Variants in ZDHHC2 observed in about 807,000 individuals in gnomAD.
ZDHHC2 encodes zDHHC palmitoyltransferase 2, also known as palmitoyltransferase ZDHHC2.
Under a neutral mutation model 55.6 loss-of-function variants are expected in ZDHHC2, and 51 were observed. The ratio of observed to expected loss-of-function variants is 0.92; its 90% CI spans 0.73 to 1.16. ZDHHC2 has a LOEUF of 1.16. Ranked by LOEUF, ZDHHC2 falls within the 50% of genes most tolerant of loss-of-function variation. The probability of loss-of-function intolerance (pLI) is 0.00; values close to 1 mark genes in which losing one functional copy is unlikely to be tolerated. For synonymous variants in ZDHHC2, 199 were observed against 152.9 expected (o/e 1.30, Z -2.22); for missense variants, 491 against 442.4 (o/e 1.11, Z -0.99).
intron 3 of ZDHHC2, among the ~76,000 whole-genome samples, chr8:17,189,399 C>T (rs1805905629): frequency 6.6e-6 from 1 of 152,142 alleles, no homozygotes; most frequent in Non-Finnish European, 1.5e-5. Flanking sequence ...TTTGAAAATA[C>T]ACCATCGTTA....
At chr8:17,176,724 T>A (rs1050607121) in intron 1 of ZDHHC2, among the ~76,000 whole-genome samples, 3 of 151,830 alleles carry the variant, frequency 2.0e-5, no homozygotes, top group Non-Finnish European at 1.5e-5. Context: ...AGAAGCATCA[T>A]GCACAAGAGG....
At chr8:17,219,411 C>G (rs1414542386) in intron 12 of ZDHHC2, among the ~76,000 whole-genome samples, 2 of 151,708 alleles carry the variant, frequency 1.3e-5, no homozygotes, top group African/African-American at 4.8e-5. Flanking sequence ...ATAGTTAGTA[C>G]TAAAAAGTAA....
At chr8:17,197,932 T>G (rs1293909575) in intron 5 of ZDHHC2, among the ~76,000 whole-genome samples, 1 of 152,200 alleles carries the variant, frequency 6.6e-6, no homozygotes, top group African/African-American at 2.4e-5. Flanking sequence ...CTATGAGTGT[T>G]TTCCATTTTT....
chr8:17,164,766 TG>T (rs1256872543), intron 1 of ZDHHC2, among the ~76,000 whole-genome samples: 1 of 152,228 alleles, frequency 6.6e-6, no homozygotes, highest in Non-Finnish European at 1.5e-5. Flanking sequence ...CAGTGAAATT[TG>T]GGAAACCAGA....
intron 9 of ZDHHC2, 113 bp from the exon 10 acceptor site, chr8:17,210,275 A>T: frequency 1.7e-6 from 2 of 1,158,186 alleles, no homozygotes. Context: ...TCTAATACAC[A>T]TTTTTTTTGC....
At chr8:17,214,429 T>C (rs1807543183) in intron 10 of ZDHHC2, among the ~76,000 whole-genome samples, 1 of 152,222 alleles carries the variant, frequency 6.6e-6, no homozygotes, top group South Asian at 2.1e-4. Flanking sequence ...CTTTAGAAGC[T>C]GTAGGCCATT....
At chr8:17,170,446 T>G (rs1444038810) in intron 1 of ZDHHC2, among the ~76,000 whole-genome samples, 2 of 152,246 alleles carry the variant, frequency 1.3e-5, no homozygotes, top group Non-Finnish European at 2.9e-5. Flanking sequence ...TATAGTTTCT[T>G]TCTCTGGAGA....
intron 1 of ZDHHC2, among the ~76,000 whole-genome samples, chr8:17,176,223 G>T (rs188081370): frequency 6.6e-6 from 1 of 152,094 alleles, no homozygotes; most frequent in East Asian, 1.9e-4. Context: ...GCCTTGCCCC[G>T]TGTTTGTGGT....
intron 8 of ZDHHC2, 51 bp from the exon 9 acceptor site, chr8:17,209,881 G>C (rs771980327): frequency 7.9e-5 from 121 of 1,526,602 alleles, no homozygotes; most frequent in Non-Finnish European, 1.0e-4. Context: ...ATTCAGGATT[G>C]CTAGTAAATA....
chr8:17,178,591 A>T (rs117702704), intron 1 of ZDHHC2, among the ~76,000 whole-genome samples: 3,332 of 152,334 alleles, frequency 0.022, 62 homozygotes, highest in Middle Eastern at 0.044. Flanking sequence ...GGATGCATAC[A>T]TGTTTCAATA....
At chr8:17,164,596 TAA>T (rs1232206818) in intron 1 of ZDHHC2, among the ~76,000 whole-genome samples, 1 of 134,744 alleles carries the variant, frequency 7.4e-6, no homozygotes, top group Non-Finnish European at 1.6e-5. Context: ...CACTAAACAA[TAA>T]AAAAAAAAAA....
chr8:17,208,135 A>G lies in ZDHHC2; in HGVS notation c.730+43A>G, dbSNP rs1457399454. 5.4e-6 allele frequency: 8 copies of G among 1,489,376 alleles called. No individual in the cohort carries two copies. In the Admixed American group the frequency reaches 8.9e-5, roughly 17 times the overall value. The allele number at this position is 1,489,376 out of a possible 1,614,324, so 92.3% of individuals were successfully genotyped here. A position where few individuals can be genotyped will look rare whatever the true frequency, so the allele number is the denominator to read the frequency against. Reference sequence around the variant, plus strand: ...GTAGTTGACAGAACTTTAAATACGTATACCAACATTCATTGACAGTTGCTA... The same window carrying G: ...GTAGTTGACAGAACTTTAAATACGTGTACCAACATTCATTGACAGTTGCTA... On this transcript the variant is annotated intron_variant, in intron 8 of 12. Transcript: ENST00000262096.
At chr8:17,177,399 T>C (rs1371206805) in intron 1 of ZDHHC2, among the ~76,000 whole-genome samples, 1 of 152,200 alleles carries the variant, frequency 6.6e-6, no homozygotes, top group East Asian at 1.9e-4. Flanking sequence ...GGACAGACTT[T>C]GTTGGGACAG....
At chr8:17,208,527 T>A (rs568965749) in intron 8 of ZDHHC2, among the ~76,000 whole-genome samples, 1 of 151,948 alleles carries the variant, frequency 6.6e-6, no homozygotes, top group Non-Finnish European at 1.5e-5. Context: ...AGCTCAAGGA[T>A]AGGAGTTTGG....
At chr8:17,206,733 G>C (rs986441276) in intron 7 of ZDHHC2, among the ~76,000 whole-genome samples, 40 of 152,074 alleles carry the variant, frequency 2.6e-4, no homozygotes, top group African/African-American at 8.9e-4. Context: ...ATATCCACAG[G>C]TCCTCCTTGT....
chr8:17,191,810 G>C (rs193196157), intron 3 of ZDHHC2, among the ~76,000 whole-genome samples: 75 of 152,192 alleles, frequency 4.9e-4, no homozygotes, highest in Non-Finnish European at 9.1e-4. Flanking sequence ...TAACATACTT[G>C]TTTCCTTTCT....
chr8:17,198,429 A>G lies in ZDHHC2; in HGVS notation c.476+16A>G. On this transcript the variant is annotated intron_variant, in intron 6 of 12. Transcript: ENST00000262096. ...ATTGTCCATGGTGAGTTGGCTGTAT[A>G]TTTAAACAAGTTTGTGTCCCTTGTA... 1 of 1,593,282 alleles carries G rather than the reference A, an allele frequency of 6.3e-7. No homozygotes were observed.
rs1471197949 is a variant in ZDHHC2, at chr8:17,156,577, G to A, written c.-147G>A. On this transcript the variant is annotated 5_prime_UTR_variant, in exon 1 of 13. Coordinates refer to ENST00000262096, the MANE Select transcript of ZDHHC2 (RefSeq NM_016353.5). ...CCGGCTCGGGGCTGCGGGATGGGGA[G>A]TTAGCGCCACGGCGGCGGCAGTGGC... is the stretch of plus-strand genomic sequence containing the variant. 1.2e-5 allele frequency: 6 copies of A among 493,380 alleles called. No individual in the cohort carries two copies. Among genetic ancestry groups the A allele is most frequent in the Admixed American group, 6.2e-5 (1 of 16,146 alleles). 30.6% of individuals were successfully genotyped at this position (493,380 alleles called of 1,614,324 possible). A position where few individuals can be genotyped will look rare whatever the true frequency, so the allele number is the denominator to read the frequency against.
intron 1 of ZDHHC2, among the ~76,000 whole-genome samples, chr8:17,178,871 A>G (rs1237375032): frequency 6.6e-6 from 1 of 152,200 alleles, no homozygotes; most frequent in Non-Finnish European, 1.5e-5. Flanking sequence ...ATAACAAAAA[A>G]CTGTCACTCT....
Sources: gnomAD v4.1 joint callset for allele counts (sites outside exome capture counted in the v4.1 genomes callset) on GRCh38, gnomAD v4.1.1 for gene constraint, MANE v1.5 for transcripts, NCBI Gene and HGNC (gene_info 2026-07-23, HGNC 2026-07-21) for gene names.